Variants in ATP10B observed in about 807,000 individuals in gnomAD.
The protein encoded by ATP10B is ATPase phospholipid transporting 10B (putative).
In ATP10B, 122 loss-of-function variants were observed where a neutral mutation model predicts 141.2. That is an observed-to-expected ratio of 0.86 (90% CI 0.75 to 1.00). The LOEUF (loss-of-function observed/expected upper bound fraction) is 1.00. Ranked by LOEUF, ATP10B falls within the 50% of genes least tolerant of loss-of-function variation. ATP10B has a pLI of 0.00. For synonymous variants in ATP10B, 685 were observed against 692.0 expected (o/e 0.99, Z 0.16); for missense variants, 1,876 against 1,825.3 (o/e 1.03, Z -0.51).
rs540734425 is a variant in ATP10B at position 160,738,528 on chromosome 5, G to C, written c.-330-21494C>G. Among the ~76,000 whole-genome samples the C allele has an allele frequency of 4.7e-4, 71 of 152,042 alleles. 1 individual carries two copies. The South Asian group carries it at 1.0e-2, about 21-fold the overall frequency. On this transcript the variant is annotated intron_variant, in intron 2 of 25. Coordinates refer to ENST00000327245, the MANE Select transcript of ATP10B (RefSeq NM_025153.3). ...ACGCCACTATTTAATTTCTCAAAAA[G>C]GTAGAAGAAATAAAATACTGATATC...
At chr5:160,886,400 G>A in the ATP10B span, among the ~76,000 whole-genome samples, 9 of 152,192 alleles carry the variant, frequency 5.9e-5, no homozygotes, top group African/African-American at 2.2e-4. Context: ...ACATTTGGAG[G>A]TGGAATAAAG....
the ATP10B span, among the ~76,000 whole-genome samples, chr5:160,929,340 C>T: frequency 6.6e-6 from 1 of 152,172 alleles, no homozygotes; most frequent in Non-Finnish European, 1.5e-5. Flanking sequence ...CCAGATATCC[C>T]ATCAAAGGGG....
At chr5:160,820,742 C>G (rs1187434778) in intron 1 of ATP10B, among the ~76,000 whole-genome samples, 1 of 152,056 alleles carries the variant, frequency 6.6e-6, no homozygotes, top group African/African-American at 2.4e-5. Flanking sequence ...TCAACATATG[C>G]AAATCAATCA....
At chr5:160,748,265 T>TA (rs1767940909) in intron 2 of ATP10B, among the ~76,000 whole-genome samples, 1 of 152,180 alleles carries the variant, frequency 6.6e-6, no homozygotes. Flanking sequence ...TTAACAGGCT[T>TA]CTTAACATTC....
intron 6 of ATP10B, among the ~76,000 whole-genome samples, chr5:160,682,778 G>A (rs1046278980): frequency 6.6e-6 from 1 of 152,056 alleles, no homozygotes; most frequent in African/African-American, 2.4e-5. Context: ...GGTGGCTCAC[G>A]CCTGTAATCC....
chr5:160,910,869 C>T, the ATP10B span, among the ~76,000 whole-genome samples: 2 of 152,132 alleles, frequency 1.3e-5, no homozygotes, highest in Admixed American at 6.5e-5. Flanking sequence ...ATTTGATCCT[C>T]AATGTTAGAG....
chr5:160,787,459 C>T (rs535823742), intron 1 of ATP10B, among the ~76,000 whole-genome samples: 31 of 152,262 alleles, frequency 2.0e-4, no homozygotes, highest in African/African-American at 1.4e-4. Flanking sequence ...CTCCAGTGGC[C>T]GTGTCTGGAA....
At chr5:160,811,949 A>G (rs1414280083) in intron 1 of ATP10B, among the ~76,000 whole-genome samples, 1 of 151,638 alleles carries the variant, frequency 6.6e-6, no homozygotes, top group Non-Finnish European at 1.5e-5. Context: ...TGGTGGCCAC[A>G]GGGGTGCCTG....
At chr5:160,824,147 G>C (rs141197234) in intron 1 of ATP10B, among the ~76,000 whole-genome samples, 3 of 151,636 alleles carry the variant, frequency 2.0e-5, no homozygotes, top group Admixed American at 1.3e-4. Flanking sequence ...TCAGCCTCCC[G>C]AGCAGCTGGG....
At chr5:160,610,449 G>C (rs1378570422) in intron 18 of ATP10B, among the ~76,000 whole-genome samples, 1 of 152,134 alleles carries the variant, frequency 6.6e-6, no homozygotes, top group Non-Finnish European at 1.5e-5. Flanking sequence ...CCTCAAGGGA[G>C]ACCTTGAGCT....
intron 20 of ATP10B, 100 bp downstream of exon 20, chr5:160,603,865 G>A: frequency 2.1e-6 from 2 of 963,626 alleles, no homozygotes; most frequent in Non-Finnish European, 3.3e-6. Context: ...CTTTGGATGT[G>A]GGTGGAAGTT....
At chr5:160,761,057 G>A (rs149802449) in intron 2 of ATP10B, among the ~76,000 whole-genome samples, 80 of 152,114 alleles carry the variant, frequency 5.3e-4, no homozygotes, top group African/African-American at 1.9e-3. Flanking sequence ...TTCTACTACT[G>A]CAGCTGGTAC....
intron 8 of ATP10B, among the ~76,000 whole-genome samples, chr5:160,647,398 C>A (rs889362430): frequency 6.6e-6 from 1 of 152,178 alleles, no homozygotes; most frequent in African/African-American, 2.4e-5. Flanking sequence ...CGCAGTCCAA[C>A]TGGACTTTTA....
intron 1 of ATP10B, among the ~76,000 whole-genome samples, chr5:160,813,612 G>T (rs1197090592): frequency 6.6e-6 from 1 of 152,206 alleles, no homozygotes; most frequent in East Asian, 1.9e-4. Context: ...AAATGTCCCT[G>T]TCTGACAGCT....
the ATP10B span, among the ~76,000 whole-genome samples, chr5:160,896,275 T>G: frequency 1.3e-5 from 2 of 152,028 alleles, no homozygotes; most frequent in Admixed American, 6.6e-5. Context: ...GGAACTTGTT[T>G]TTTGAAAAGA....
At chr5:160,821,557 C>G (rs1187882459) in intron 1 of ATP10B, among the ~76,000 whole-genome samples, 1 of 151,914 alleles carries the variant, frequency 6.6e-6, no homozygotes, top group African/African-American at 2.4e-5. Context: ...AGAATCAAAG[C>G]TTTTCCAAAC....
the ATP10B span, among the ~76,000 whole-genome samples, chr5:160,919,223 CAAAAAAA>C: frequency 1.5e-3 from 41 of 26,962 alleles, 4 homozygotes; most frequent in Non-Finnish European, 2.4e-3. Flanking sequence ...AACTCCGTCT[CAAAAAAA>C]AAAAAAAAAA....
At chr5:160,884,153 A>G in the ATP10B span, among the ~76,000 whole-genome samples, 4 of 152,176 alleles carry the variant, frequency 2.6e-5, no homozygotes, top group Non-Finnish European at 4.4e-5. Context: ...TACCCTCCTC[A>G]CACAGACACA....
At chr5:160,600,307 C>T (rs180810250) in intron 21 of ATP10B, among the ~76,000 whole-genome samples, 142 of 152,284 alleles carry the variant, frequency 9.3e-4, no homozygotes, top group African/African-American at 3.3e-3. Context: ...GTGGTACAAT[C>T]AGCATCTGAA....
Sources: allele counts gnomAD v4.1 joint callset (sites outside exome capture counted in the v4.1 genomes callset), GRCh38; gene constraint gnomAD v4.1.1; transcripts MANE v1.5; gene names NCBI Gene and HGNC (gene_info 2026-07-23, HGNC 2026-07-21).